Variants in DLGAP2 observed in about 807,000 individuals in gnomAD.
DLGAP2 encodes the protein disks large-associated protein 2.
In DLGAP2, 26 loss-of-function variants were observed where a neutral mutation model predicts 100.3. That is an observed-to-expected ratio of 0.26 (90% confidence interval 0.19 to 0.36). DLGAP2 has a LOEUF of 0.36. Ranked by LOEUF, DLGAP2 falls within the 10% of genes least tolerant of loss-of-function variation. DLGAP2 has a pLI of 1.00. For missense variants in DLGAP2, 1,858 were observed against 1,453.2 expected (o/e 1.28, Z -4.53); for synonymous variants, 886 against 630.1 (o/e 1.41, Z -6.08).
intron 6 of DLGAP2, among the ~76,000 whole-genome samples, chr8:1,576,321 T>C (rs934658484): frequency 6.6e-6 from 1 of 152,236 alleles, no homozygotes; most frequent in African/African-American, 2.4e-5. Context: ...GGTTGTTTAT[T>C]TTTTTCTTGT....
At chr8:868,257 C>T (rs1184538149) in intron 1 of DLGAP2, among the ~76,000 whole-genome samples, 2 of 152,190 alleles carry the variant, frequency 1.3e-5, no homozygotes, top group East Asian at 3.8e-4. Context: ...TCTGGAATAG[C>T]TGTGGCTCTT....
At chr8:1,272,560 T>G (rs1799604095) in intron 3 of DLGAP2, among the ~76,000 whole-genome samples, 2 of 152,206 alleles carry the variant, frequency 1.3e-5, no homozygotes, top group Admixed American at 1.3e-4. Context: ...ATACAAATTC[T>G]GTAACATTTT....
At chr8:752,182 T>C (rs552199094) in intron 1 of DLGAP2, among the ~76,000 whole-genome samples, 77 of 152,320 alleles carry the variant, frequency 5.1e-4, no homozygotes, top group African/African-American at 1.8e-3. Context: ...GGTCTCCCAC[T>C]TTTTCCTCAC....
chr8:943,605 C>T (rs1454969579), intron 2 of DLGAP2, among the ~76,000 whole-genome samples: 1 of 151,834 alleles, frequency 6.6e-6, no homozygotes, highest in Non-Finnish European at 1.5e-5. Context: ...TGTACACGAT[C>T]ATGTGGAGGA....
chr8:1,455,937 T>G (rs912566451), intron 3 of DLGAP2, among the ~76,000 whole-genome samples: 6 of 152,210 alleles, frequency 3.9e-5, no homozygotes, highest in Non-Finnish European at 8.8e-5. Flanking sequence ...AGAGGCTGGA[T>G]CCGAGGCCCC....
intron 3 of DLGAP2, among the ~76,000 whole-genome samples, chr8:1,452,448 G>T (rs145402291): frequency 1.3e-5 from 2 of 152,244 alleles, no homozygotes; most frequent in African/African-American, 4.8e-5. Context: ...AATGGAAGAT[G>T]CATTCAGCAC....
intron 3 of DLGAP2, among the ~76,000 whole-genome samples, chr8:1,412,980 G>C (rs1033351845): frequency 6.6e-6 from 1 of 151,794 alleles, no homozygotes; most frequent in Admixed American, 6.6e-5. Context: ...AAACAGACTT[G>C]CCCTTCCTGA....
Position 909,011 on chromosome 8 carries a change from G to A in DLGAP2, c.73+1045G>A, listed in dbSNP as rs552308865. On this transcript the variant is annotated intron_variant, in intron 2 of 14. Coordinates refer to ENST00000637795, the MANE Select transcript of DLGAP2 (RefSeq NM_001346810.2). ...CATTGTCTGTATTATACATTCCAGA[G>A]TAAAACACCAGGTGTATTGAGAAAA... 1.1e-4 allele frequency among the ~76,000 whole-genome samples: 16 copies of A among 152,284 alleles called. 1 individual carries two copies. Among genetic ancestry groups the A allele is most frequent in the African/African-American group, 3.8e-4 (16 of 41,562 alleles).
chr8:1,669,262 A>C (rs769289359), intron 9 of DLGAP2, among the ~76,000 whole-genome samples: 1 of 152,186 alleles, frequency 6.6e-6, no homozygotes, highest in Non-Finnish European at 1.5e-5. Context: ...CCCGCCGTCC[A>C]TCTGGGCCCC....
At chr8:1,125,079 C>T (rs1391721191) in intron 2 of DLGAP2, among the ~76,000 whole-genome samples, 3 of 152,242 alleles carry the variant, frequency 2.0e-5, no homozygotes, top group Non-Finnish European at 4.4e-5. Context: ...CATGTCTTTG[C>T]ATTCCATAAG....
At chr8:1,240,626 A>G (rs1798767409) in intron 2 of DLGAP2, among the ~76,000 whole-genome samples, 1 of 139,674 alleles carries the variant, frequency 7.2e-6, no homozygotes, top group African/African-American at 2.7e-5. Flanking sequence ...TCTCGCACAT[A>G]GCGTCACGTC....
intron 3 of DLGAP2, among the ~76,000 whole-genome samples, chr8:1,461,196 G>A (rs1798461817): frequency 7.0e-6 from 1 of 143,726 alleles, no homozygotes; most frequent in Non-Finnish European, 1.5e-5. Flanking sequence ...AGGACTGGGT[G>A]CAGTCGCTGA....
chr8:1,440,020 G>T (rs1797782379), intron 3 of DLGAP2, among the ~76,000 whole-genome samples: 1 of 152,168 alleles, frequency 6.6e-6, no homozygotes, highest in Non-Finnish European at 1.5e-5. Flanking sequence ...ATAGAGTGAG[G>T]ATGTAAAGAT....
chr8:1,032,582 T>G (rs893744978), intron 2 of DLGAP2: 6 of 152,244 alleles, frequency 3.9e-5, no homozygotes, highest in African/African-American at 1.4e-4. Context: ...GTTTTTCTTT[T>G]TAGGTCTGCT....
intron 1 of DLGAP2, among the ~76,000 whole-genome samples, chr8:848,881 C>A (rs1232671030): frequency 1.5e-5 from 2 of 130,692 alleles, no homozygotes; most frequent in African/African-American, 5.2e-5. Context: ...GTGTCTGTTC[C>A]AGCATAGGAA....
chr8:1,321,972 C>T (rs1189778424), intron 3 of DLGAP2, among the ~76,000 whole-genome samples: 1 of 152,172 alleles, frequency 6.6e-6, no homozygotes, highest in Non-Finnish European at 1.5e-5. Flanking sequence ...TAAAATCTAG[C>T]TTAAGCCCTG....
chr8:1,668,776 C>T (rs577161638), intron 9 of DLGAP2, 98 bp downstream of exon 9: 103 of 1,127,362 alleles, frequency 9.1e-5, no homozygotes, highest in Non-Finnish European at 1.2e-4. Flanking sequence ...GGGTCCTTAG[C>T]ACTGACTGTA....
intron 2 of DLGAP2, among the ~76,000 whole-genome samples, chr8:1,063,111 G>A (rs1373876440): frequency 3.3e-5 from 5 of 152,210 alleles, no homozygotes; most frequent in African/African-American, 7.2e-5. Flanking sequence ...GAAAGATTGG[G>A]TGCCTCTTAT....
chr8:765,533 A>G (rs939795100), intron 1 of DLGAP2, among the ~76,000 whole-genome samples: 5 of 152,212 alleles, frequency 3.3e-5, no homozygotes, highest in African/African-American at 1.2e-4. Flanking sequence ...ACATTGGAAT[A>G]CAGCAGCCCT....
Sources: gnomAD v4.1 joint callset for allele counts (sites outside exome capture counted in the v4.1 genomes callset) on GRCh38, gnomAD v4.1.1 for gene constraint, MANE v1.5 for transcripts, NCBI Gene and HGNC (gene_info 2026-07-23, HGNC 2026-07-21) for gene names.